NUMB: variants seen among roughly 807,000 people sequenced by gnomAD.
NUMB encodes the protein protein numb homolog.
In NUMB, 29 loss-of-function variants were observed where a neutral mutation model predicts 59.7. The observed-to-expected ratio is 0.49, with a 90% CI of 0.36 to 0.66. The LOEUF (loss-of-function observed/expected upper bound fraction) is 0.66. NUMB is among the 30% of genes least tolerant of loss of function. The probability of loss-of-function intolerance (pLI) is 0.00; values close to 1 mark genes in which losing one functional copy is unlikely to be tolerated. For missense variants in NUMB, 723 were observed against 822.0 expected, an observed-to-expected ratio of 0.88 and a Z score of 1.47; for synonymous variants, 288 against 288.2, an observed-to-expected ratio of 1.00 and a Z score of 0.01.
At chr14:73,404,949 C>A (rs1896590305) in intron 2 of NUMB, among the ~76,000 whole-genome samples, 1 of 152,008 alleles carries the variant, frequency 6.6e-6, no homozygotes, top group South Asian at 2.1e-4. Context: ...TCAGTAGAGA[C>A]AGGGTTTCAC....
chr14:73,279,363 G>C lies in NUMB; in HGVS notation c.1158C>G (p.Pro386=), dbSNP rs757736274. Reference sequence around the variant, plus strand: ...TGGTTTCACGCACAGGCATTGCTACGGGTGCTAGAGCAGTATGGGCTGGCT... The same window carrying C: ...TGGTTTCACGCACAGGCATTGCTACCGGTGCTAGAGCAGTATGGGCTGGCT... ...LAKPAHTALA[P]VAMPVRETNP... is the part of the protein sequence containing the mutation. The change falls in exon 12 of 13, where the codon CCC becomes CCG. Residue 386 remains proline (P), a synonymous_variant. Transcript: ENST00000555238. 1.2e-6 allele frequency: 2 copies of C among 1,612,726 alleles called. No homozygotes were observed. The highest frequency in any genetic ancestry group is 1.7e-6 in the Non-Finnish European group (2 of 1,179,248).
chr14:73,386,439 G>A (rs924883621), intron 2 of NUMB, among the ~76,000 whole-genome samples: 2 of 151,986 alleles, frequency 1.3e-5, no homozygotes, highest in African/African-American at 4.8e-5. Flanking sequence ...TTGATCCAAC[G>A]CTGCTACAAT....
At chr14:73,434,330 T>A (rs61985850) in intron 1 of NUMB, among the ~76,000 whole-genome samples, 1 of 152,190 alleles carries the variant, frequency 6.6e-6, no homozygotes, top group African/African-American at 2.4e-5. Flanking sequence ...ATAAAGATTA[T>A]AATAGTAGCT....
At chr14:73,291,071 T>G (rs1201909220) in intron 8 of NUMB, among the ~76,000 whole-genome samples, 1 of 152,036 alleles carries the variant, frequency 6.6e-6, no homozygotes, top group Non-Finnish European at 1.5e-5. Flanking sequence ...TATTTCTGTT[T>G]AGTTTTTGTT....
intron 4 of NUMB, among the ~76,000 whole-genome samples, chr14:73,350,799 G>A (rs1442961305): frequency 6.6e-6 from 1 of 151,804 alleles, no homozygotes; most frequent in African/African-American, 2.4e-5. Flanking sequence ...AAAGTGTTGA[G>A]ATTACAGGTG....
At chr14:73,452,146 G>T (rs534248211) in intron 1 of NUMB, among the ~76,000 whole-genome samples, 1 of 152,252 alleles carries the variant, frequency 6.6e-6, no homozygotes, top group South Asian at 2.1e-4. Context: ...GATCACCTGA[G>T]ACCAGGAGTT....
chr14:73,345,821 T>C (rs112590649), intron 4 of NUMB, among the ~76,000 whole-genome samples: 257 of 151,718 alleles, frequency 1.7e-3, no homozygotes, highest in African/African-American at 6.1e-3. Flanking sequence ...GGCAGGACAA[T>C]CACTTGAACC....
At chr14:73,350,062 T>TACACACACAC (rs1394753470) in intron 4 of NUMB, among the ~76,000 whole-genome samples, 1 of 130,906 alleles carries the variant, frequency 7.6e-6, no homozygotes, top group South Asian at 2.4e-4. Flanking sequence ...CATACATATA[T>TACACACACAC]ACATACATAC....
chr14:73,370,530 A>G (rs1894614190), intron 2 of NUMB, among the ~76,000 whole-genome samples: 1 of 152,106 alleles, frequency 6.6e-6, no homozygotes, highest in Non-Finnish European at 1.5e-5. Context: ...CGTCTCTACT[A>G]AAAATACAAA....
At chr14:73,299,500 A>G (rs1594879233) in intron 6 of NUMB, 1 of 151,484 alleles carries the variant, frequency 6.6e-6, no homozygotes, top group South Asian at 2.1e-4. Context: ...AGCCCCTACA[A>G]TCACGAGTGA....
At chr14:73,391,750 A>G (rs983588205) in intron 2 of NUMB, among the ~76,000 whole-genome samples, 3 of 152,230 alleles carry the variant, frequency 2.0e-5, no homozygotes, top group African/African-American at 7.2e-5. Context: ...TAGGTAATTC[A>G]GCAATCAAGT....
intron 1 of NUMB, among the ~76,000 whole-genome samples, chr14:73,417,866 G>C (rs762624052): frequency 3.9e-5 from 6 of 152,198 alleles, no homozygotes; most frequent in Non-Finnish European, 5.9e-5. Context: ...CAGAACTTTG[G>C]GAGGATGAGG....
intron 4 of NUMB, among the ~76,000 whole-genome samples, chr14:73,331,765 T>C (rs1891993331): frequency 6.6e-6 from 1 of 152,156 alleles, no homozygotes; most frequent in Non-Finnish European, 1.5e-5. Flanking sequence ...GCATTTCCCT[T>C]GCTGGCTCTC....
intron 4 of NUMB, among the ~76,000 whole-genome samples, chr14:73,340,560 G>A (rs568979534): frequency 6.6e-6 from 1 of 152,264 alleles, no homozygotes; most frequent in Admixed American, 6.5e-5. Context: ...TCTGTTCTCT[G>A]CTTTGTTGTT....
intron 2 of NUMB, among the ~76,000 whole-genome samples, chr14:73,380,195 T>C (rs1347730696): frequency 6.6e-6 from 1 of 152,154 alleles, no homozygotes; most frequent in Non-Finnish European, 1.5e-5. Context: ...CCACAGTCAT[T>C]TTCCAAGACC....
At chr14:73,280,431 C>T (rs1888542998) in intron 11 of NUMB, among the ~76,000 whole-genome samples, 1 of 151,178 alleles carries the variant, frequency 6.6e-6, no homozygotes, top group South Asian at 2.1e-4. Context: ...ACTCACAGAA[C>T]ATTTTTTAAC....
intron 4 of NUMB, among the ~76,000 whole-genome samples, chr14:73,344,808 A>G (rs1308090526): frequency 6.6e-6 from 1 of 152,228 alleles, no homozygotes; most frequent in East Asian, 1.9e-4. Flanking sequence ...AGCATGCCAT[A>G]TGTTCTACAT....
chr14:73,305,641 T>A (rs1890390032), intron 6 of NUMB, among the ~76,000 whole-genome samples: 1 of 152,184 alleles, frequency 6.6e-6, no homozygotes, highest in Admixed American at 6.5e-5. Context: ...CATGGAAACA[T>A]CATTTTGCAT....
intron 1 of NUMB, among the ~76,000 whole-genome samples, chr14:73,452,554 G>A (rs749083306): frequency 6.6e-6 from 1 of 152,170 alleles, no homozygotes; most frequent in Admixed American, 6.6e-5. Context: ...CAGCAAACAA[G>A]TGGGGAGAAA....
Sources: allele counts gnomAD v4.1 joint callset (sites outside exome capture counted in the v4.1 genomes callset), GRCh38; gene constraint gnomAD v4.1.1; transcripts MANE v1.5; gene names NCBI Gene and HGNC (gene_info 2026-07-23, HGNC 2026-07-21).